XRN1: variants seen among roughly 807,000 people sequenced by gnomAD.
XRN1 encodes 5'-3' exoribonuclease 1.
XRN1 carries 67 observed loss-of-function variants against 222.3 expected under a neutral mutation model. That is an observed-to-expected ratio of 0.30 (90% CI 0.25 to 0.37). XRN1 has a LOEUF of 0.37. Ranked by LOEUF, XRN1 falls within the 10% of genes least tolerant of loss-of-function variation. The probability of loss-of-function intolerance (pLI) is 1.00; values close to 1 mark genes in which losing one functional copy is unlikely to be tolerated. For synonymous variants in XRN1, 643 were observed against 652.4 expected, an observed-to-expected ratio of 0.99 and a Z score of 0.22; for missense variants, 1,707 against 2,000.2, an observed-to-expected ratio of 0.85 and a Z score of 2.80.
At chr3:142,359,279 T>A (rs535423578) in intron 30 of XRN1, among the ~76,000 whole-genome samples, 1 of 152,140 alleles carries the variant, frequency 6.6e-6, no homozygotes, top group Non-Finnish European at 1.5e-5. Flanking sequence ...ACTTCCCAAG[T>A]GTTGCCTCAA....
At position 142,328,723 on chromosome 3, in the gene XRN1, A is replaced by G. The variant is rs1168893260; in HGVS notation, c.4404+711T>C. Reference sequence around the variant, plus strand: ...TAATATTATATATATATATATATATATATATATATATATATATATATATAT... The same window carrying G: ...TAATATTATATATATATATATATATGTATATATATATATATATATATATAT... On this transcript the variant is annotated intron_variant, in intron 37 of 40. Coordinates refer to ENST00000392981, the MANE Select transcript of XRN1 (RefSeq NM_001282857.2). Among the ~76,000 whole-genome samples the G allele has an allele frequency of 7.6e-4, 9 of 11,862 alleles. No homozygotes were observed. In the South Asian group the frequency reaches 9.0e-3, roughly 12 times the overall value. 7.8% of individuals were successfully genotyped at this position (11,862 alleles called of 152,430 possible).
intron 25 of XRN1, among the ~76,000 whole-genome samples, chr3:142,373,332 G>C (rs1400211023): frequency 6.6e-6 from 1 of 151,908 alleles, no homozygotes; most frequent in Non-Finnish European, 1.5e-5. Context: ...AAATGGATGA[G>C]GAGAGATAAA....
chr3:142,333,212 G>A, intron 34 of XRN1, 123 bp from the exon 35 acceptor site: 3 of 1,131,520 alleles, frequency 2.7e-6, no homozygotes, highest in Non-Finnish European at 2.4e-6. Context: ...AGGTGTTAAA[G>A]TTTGGGAAGA....
chr3:142,404,612 G>C (rs1189888436), intron 16 of XRN1, among the ~76,000 whole-genome samples: 1 of 152,090 alleles, frequency 6.6e-6, no homozygotes, highest in East Asian at 1.9e-4. Context: ...ATATCCATTC[G>C]AGGGAGACAA....
At chr3:142,369,954 G>A (rs534173626) in intron 27 of XRN1, among the ~76,000 whole-genome samples, 97 of 151,624 alleles carry the variant, frequency 6.4e-4, no homozygotes, top group Non-Finnish European at 1.3e-3. Flanking sequence ...GGCTGAGGCA[G>A]GAGAATTGCT....
intron 33 of XRN1, among the ~76,000 whole-genome samples, chr3:142,341,679 C>G (rs1350542562): frequency 6.6e-6 from 1 of 151,960 alleles, no homozygotes; most frequent in African/African-American, 2.4e-5. Flanking sequence ...CTAACAGAAA[C>G]ACACATCACC....
At chr3:142,401,775 G>A (rs1420426344) in intron 18 of XRN1, among the ~76,000 whole-genome samples, 4 of 151,850 alleles carry the variant, frequency 2.6e-5, no homozygotes, top group South Asian at 4.2e-4. Context: ...TTTACTTCCC[G>A]TCTACACAAT....
intron 23 of XRN1, among the ~76,000 whole-genome samples, chr3:142,376,934 C>T (rs558794265): frequency 5.3e-5 from 8 of 151,904 alleles, no homozygotes; most frequent in Non-Finnish European, 8.8e-5. Context: ...TTTTTGTTTT[C>T]GTTTCTACTA....
chr3:142,427,773 G>C (rs2069322128), intron 2 of XRN1, among the ~76,000 whole-genome samples: 1 of 152,200 alleles, frequency 6.6e-6, no homozygotes, highest in African/African-American at 2.4e-5. Flanking sequence ...CTACCTGCCT[G>C]ACTTCTACTG....
intron 33 of XRN1, 34 bp from the exon 34 acceptor site, chr3:142,335,543 G>A (rs545388537): frequency 6.3e-7 from 1 of 1,578,422 alleles, no homozygotes; most frequent in African/African-American, 1.4e-5. Context: ...TTCATAAATG[G>A]AAGTGTTTAC....
At chr3:142,389,175 T>C (rs1246593259) in intron 20 of XRN1, among the ~76,000 whole-genome samples, 1 of 152,178 alleles carries the variant, frequency 6.6e-6, no homozygotes, top group African/African-American at 2.4e-5. Context: ...ATCGCACCAC[T>C]GCACTCTGGC....
intron 13 of XRN1, among the ~76,000 whole-genome samples, chr3:142,414,811 A>G (rs999539207): frequency 6.6e-6 from 1 of 152,198 alleles, no homozygotes; most frequent in Admixed American, 6.5e-5. Context: ...CTGAATTTTT[A>G]AAGTGTGGTT....
chr3:142,392,550 C>G (rs1310154485), intron 20 of XRN1, among the ~76,000 whole-genome samples: 3 of 152,012 alleles, frequency 2.0e-5, no homozygotes, highest in South Asian at 4.2e-4. Flanking sequence ...GTTCAGTTCC[C>G]ACCTATGAGT....
chr3:142,434,321 C>G (rs1395297023), intron 1 of XRN1, among the ~76,000 whole-genome samples: 1 of 151,718 alleles, frequency 6.6e-6, no homozygotes, highest in Admixed American at 6.6e-5. Context: ...AATTTCATAT[C>G]TTTTTCACAC....
intron 15 of XRN1, among the ~76,000 whole-genome samples, chr3:142,407,945 A>T (rs1577380944): frequency 6.6e-6 from 1 of 152,352 alleles, no homozygotes; most frequent in East Asian, 1.9e-4. Flanking sequence ...CTTCATTTGT[A>T]GCTTTATGCA....
intron 1 of XRN1, among the ~76,000 whole-genome samples, chr3:142,438,958 G>A (rs1028088361): frequency 6.6e-6 from 1 of 151,136 alleles, no homozygotes; most frequent in African/African-American, 2.4e-5. Flanking sequence ...TAACCCAAAC[G>A]GTCCAAAGGA....
At chr3:142,336,197 T>G (rs899551024) in intron 33 of XRN1, among the ~76,000 whole-genome samples, 1 of 152,158 alleles carries the variant, frequency 6.6e-6, no homozygotes, top group East Asian at 1.9e-4. Context: ...ATTATTTTCA[T>G]AGGATTTGGT....
chr3:142,347,420 C>A, intron 32 of XRN1, 78 bp from the exon 33 acceptor site: 1 of 914,472 alleles, frequency 1.1e-6, no homozygotes. Context: ...TTAATAAATA[C>A]ATTTTTATAA....
chr3:142,426,713 T>A (rs766756227), intron 3 of XRN1, 31 bp downstream of exon 3: 81 of 1,568,834 alleles, frequency 5.2e-5, no homozygotes, highest in Non-Finnish European at 6.6e-5. Context: ...ATATTTCAAT[T>A]CTGTCATAAT....
Sources: allele counts gnomAD v4.1 joint callset (sites outside exome capture counted in the v4.1 genomes callset), GRCh38; gene constraint gnomAD v4.1.1; transcripts MANE v1.5; gene names NCBI Gene and HGNC (gene_info 2026-07-23, HGNC 2026-07-21).